Variants in LRRC63 observed in about 807,000 individuals in gnomAD.
LRRC63 encodes the protein leucine-rich repeat-containing protein 63.
LRRC63 carries 40 observed loss-of-function variants against 49.5 expected under a neutral mutation model. The ratio of observed to expected loss-of-function variants is 0.81; its 90% CI spans 0.63 to 1.05. LRRC63 has a LOEUF of 1.05. LRRC63 is among the 50% of genes least tolerant of loss of function. The pLI, the probability that LRRC63 is intolerant of heterozygous loss-of-function variation, is 0.00. For missense variants in LRRC63, 636 were observed against 663.1 expected, an observed-to-expected ratio of 0.96 and a Z score of 0.45; for synonymous variants, 191 against 221.1, an observed-to-expected ratio of 0.86 and a Z score of 1.21.
rs79658424 is a variant in LRRC63 at position 46,246,934 on chromosome 13, G to T, written c.1089+309G>T. Among the ~76,000 whole-genome samples, 41 of 152,176 alleles carry T rather than the reference G, an allele frequency of 2.7e-4. No homozygotes were observed. The East Asian group carries it at 6.6e-3, about 24-fold the overall frequency. On this transcript the variant is annotated intron_variant, in intron 6 of 9. Transcript: ENST00000595396. ...GTAATCTAAAATAAACCTTATTTAT[G>T]TGCCAATCAGAAGCTTTAAAAACAA... is the stretch of plus-strand genomic sequence containing the variant.
chr13:46,229,472 G>A (rs2046680204), intron 4 of LRRC63, among the ~76,000 whole-genome samples: 1 of 152,336 alleles, frequency 6.6e-6, no homozygotes, highest in South Asian at 2.1e-4. Context: ...GCTCATGCCT[G>A]AGGGTGTTTG....
In LRRC63 at chr13:46,222,081, T is replaced by C. The variant is rs577679278; in HGVS notation, c.86-5431T>C. The stretch of plus-strand genomic sequence containing the variant: ...AGGGTAAGATAATATCTCATTGTGG[T>C]TTAATTTGTATTTCTCTAATGATTA... On this transcript the variant is annotated intron_variant, in intron 2 of 9. Transcript: ENST00000595396. Among the ~76,000 whole-genome samples the C allele has an allele frequency of 5.6e-4, 85 of 152,336 alleles. No individual in the cohort carries two copies. In the Middle Eastern group the frequency reaches 0.01, roughly 18 times the overall value.
At chr13:46,265,973 G>C (rs1467388161) in intron 8 of LRRC63, among the ~76,000 whole-genome samples, 1 of 152,192 alleles carries the variant, frequency 6.6e-6, no homozygotes. Flanking sequence ...GTAGATATGA[G>C]TTATGAAACT....
Position 46,228,190 on chromosome 13 carries a change from G to A in LRRC63, c.763+1G>A. ...AAACCTCACAGGCAGTCTGTGATAGGTAAATACAATCTGAACACGGTATAA... is the reference window on the plus strand; with the variant it reads ...AAACCTCACAGGCAGTCTGTGATAGATAAATACAATCTGAACACGGTATAA... On this transcript the variant is annotated splice_donor_variant, in intron 3 of 9. Coordinates refer to ENST00000595396, the Ensembl canonical transcript of LRRC63. LOFTEE classifies it high-confidence loss of function. 2 of 1,535,324 alleles carry A rather than the reference G, an allele frequency of 1.3e-6. No homozygotes were observed. The highest frequency in any genetic ancestry group is 1.8e-6 in the Non-Finnish European group (2 of 1,138,394).
intron 5 of LRRC63, among the ~76,000 whole-genome samples, chr13:46,243,411 T>C (rs2047120518): frequency 6.6e-6 from 1 of 151,458 alleles, no homozygotes; most frequent in South Asian, 2.1e-4. Flanking sequence ...AAGCAGAAAA[T>C]GAATAACAAA....
chr13:46,243,452 A>G (rs1418719586), intron 5 of LRRC63, among the ~76,000 whole-genome samples: 1 of 152,202 alleles, frequency 6.6e-6, no homozygotes, highest in African/African-American at 2.4e-5. Context: ...CCTATCAATA[A>G]AAACCTTGAA....
At chr13:46,236,689 A>G (rs756123826) in intron 5 of LRRC63, among the ~76,000 whole-genome samples, 1 of 152,170 alleles carries the variant, frequency 6.6e-6, no homozygotes, top group Non-Finnish European at 1.5e-5. Context: ...TGTTCAGGCT[A>G]CAGTGAGAGA....
chr13:46,264,922 C>T (rs2047662469), intron 8 of LRRC63, among the ~76,000 whole-genome samples: 1 of 152,006 alleles, frequency 6.6e-6, no homozygotes, highest in Non-Finnish European at 1.5e-5. Context: ...TTTGGGAGGC[C>T]GAGGAGGGTG....
chr13:46,227,911 C>T, exon 3 of LRRC63: 3 of 1,550,594 alleles, frequency 1.9e-6, no homozygotes, highest in Non-Finnish European at 2.6e-6. Flanking sequence ...CCTAAAAGTA[C>T]TCCTGGCTCA....
chr13:46,225,744 G>C (rs914981074), intron 2 of LRRC63, among the ~76,000 whole-genome samples: 9 of 152,118 alleles, frequency 5.9e-5, no homozygotes, highest in Non-Finnish European at 1.5e-5. Context: ...AATCTCATGT[G>C]GCATATGTAT....
chr13:46,258,566 T>C (rs2047558405), intron 7 of LRRC63, among the ~76,000 whole-genome samples: 2 of 151,016 alleles, frequency 1.3e-5, no homozygotes, highest in South Asian at 4.2e-4. Context: ...TCCCAGCACT[T>C]TGGGAGGCCG....
At chr13:46,245,083 A>G (rs1371447376) in intron 5 of LRRC63, among the ~76,000 whole-genome samples, 4 of 152,168 alleles carry the variant, frequency 2.6e-5, no homozygotes, top group Non-Finnish European at 4.4e-5. Context: ...AATACTAAAG[A>G]AAAAGAATAT....
At chr13:46,233,509 G>A (rs888939957) in intron 4 of LRRC63, among the ~76,000 whole-genome samples, 7 of 152,044 alleles carry the variant, frequency 4.6e-5, no homozygotes, top group Non-Finnish European at 1.0e-4. Flanking sequence ...ATATGTTTCT[G>A]CAAACAATGC....
At chr13:46,220,615 C>A (rs2046378402) in intron 2 of LRRC63, among the ~76,000 whole-genome samples, 1 of 149,972 alleles carries the variant, frequency 6.7e-6, no homozygotes, top group South Asian at 2.1e-4. Context: ...GTGAACAGTT[C>A]TATCTCTCTG....
intron 2 of LRRC63, among the ~76,000 whole-genome samples, chr13:46,219,891 G>A (rs539622181): frequency 5.3e-4 from 80 of 152,312 alleles, no homozygotes; most frequent in African/African-American, 1.9e-3. Flanking sequence ...GTTTGCTGAA[G>A]GGCCACTCCA....
rs530808936 is a variant in LRRC63 at position 46,274,415 on chromosome 13, C to T, written c.1551-2175C>T. On this transcript the variant is annotated intron_variant, in intron 9 of 9. Coordinates refer to ENST00000595396, the Ensembl canonical transcript of LRRC63. Reference sequence around the variant, plus strand: ...TACTGAAAATTTCGGTACTGTCCTACTTTCGCTGAGTTCTTTGGATTGCAG... The same window carrying T: ...TACTGAAAATTTCGGTACTGTCCTATTTTCGCTGAGTTCTTTGGATTGCAG... Among the ~76,000 whole-genome samples the T allele has an allele frequency of 3.3e-5, 5 of 152,330 alleles. No homozygotes were observed. In the South Asian group the frequency reaches 1.0e-3, roughly 32 times the overall value.
chr13:46,228,577 T>C (rs1008162053), intron 3 of LRRC63, 88 bp from the exon 4 acceptor site: 2 of 769,546 alleles, frequency 2.6e-6, no homozygotes, highest in Non-Finnish European at 4.4e-6. Flanking sequence ...ATCCATTAAA[T>C]GATGAACAAT....
intron 9 of LRRC63, among the ~76,000 whole-genome samples, chr13:46,267,582 T>C (rs1457915885): frequency 6.6e-6 from 1 of 152,184 alleles, no homozygotes; most frequent in East Asian, 1.9e-4. Flanking sequence ...GTAAAATGGC[T>C]TCCCAGGAAT....
chr13:46,271,600 A>G (rs972620287), intron 9 of LRRC63, among the ~76,000 whole-genome samples: 2 of 152,152 alleles, frequency 1.3e-5, no homozygotes, highest in Non-Finnish European at 2.9e-5. Context: ...TTACTGAAAT[A>G]TGCATATTGT....
Sources: allele counts gnomAD v4.1 joint callset (sites outside exome capture counted in the v4.1 genomes callset), GRCh38; gene constraint gnomAD v4.1.1; transcripts MANE v1.5; gene names NCBI Gene and HGNC (gene_info 2026-07-23, HGNC 2026-07-21).